Variants in REEP4 observed in about 807,000 individuals in gnomAD.
REEP4 encodes receptor expression-enhancing protein 4.
REEP4 carries 17 observed loss-of-function variants against 33.5 expected under a neutral mutation model. That is an observed-to-expected ratio of 0.51 (90% CI 0.35 to 0.76). The LOEUF (loss-of-function observed/expected upper bound fraction) is 0.76. REEP4 is among the 30% of genes least tolerant of loss of function. REEP4 has a pLI of 0.01. For synonymous variants in REEP4, 157 were observed against 142.9 expected (o/e 1.10, Z -0.70); for missense variants, 340 against 357.9 (o/e 0.95, Z 0.40).
rs1827215478 is a variant in REEP4 at position 22,140,678 on chromosome 8, A to G, written c.52T>C (p.Cys18Arg). ...RLVVLVFGML[C>R]PAYASYKAVK... The stretch of plus-strand genomic sequence containing the variant: ...GCCTTATAGGAAGCATAAGCTGGAC[A>G]CAGCATCCCAAACACCAGCCTGGAA... The change falls in exon 2 of 8, where the codon TGT (cysteine) becomes CGT (arginine). Residue 18 changes from cysteine (C) to arginine (R), a missense_variant. Cys to Arg is a radical substitution (Grantham distance 180). Coordinates refer to ENST00000306306, the MANE Select transcript of REEP4 (RefSeq NM_025232.4). 6.2e-7 allele frequency: 1 copy of G among 1,613,832 alleles called. No homozygotes were observed. The highest frequency in any genetic ancestry group is 8.5e-7 in the Non-Finnish European group (1 of 1,179,804).
At chr8:22,139,920 A>G in intron 4 of REEP4, 43 bp downstream of exon 4, 1 of 1,553,614 alleles carries the variant, frequency 6.4e-7, no homozygotes, top group Non-Finnish European at 8.7e-7. Flanking sequence ...TCTTTCCCTC[A>G]TACCCACCCC....
intron 6 of REEP4, 51 bp from the exon 7 acceptor site, chr8:22,138,844 C>T (rs1174744169): frequency 6.4e-7 from 1 of 1,562,174 alleles, no homozygotes; most frequent in Non-Finnish European, 8.6e-7. Context: ...GCCAGCCCTT[C>T]CTCGAGCCTT....
Position 22,139,405 on chromosome 8 carries a change from G to A in REEP4, c.417+11C>T, listed in dbSNP as rs749521054. The A allele has an allele frequency of 3.1e-6, 5 of 1,594,590 alleles. No homozygotes were observed. The highest frequency in any genetic ancestry group is 4.3e-6 in the Non-Finnish European group (5 of 1,171,350). ...GATGGGGGCTGCTGGAGGGCTGGGG[G>A]CCCAGAGCACCTTGGTGGCAGCCTG... On this transcript the variant is annotated intron_variant, in intron 5 of 7. Transcript: ENST00000306306.
rs1170262067 is a variant in REEP4, at chr8:22,141,465, G to A, written c.18C>T (p.Ile6=). 3 of 1,600,398 alleles carry A rather than the reference G, an allele frequency of 1.9e-6. No individual in the cohort carries two copies. Among genetic ancestry groups the A allele is most frequent in the Non-Finnish European group, 2.6e-6 (3 of 1,174,230 alleles). Residue 6 remains isoleucine (I), a synonymous_variant, in exon 1 of 8, where the codon ATC becomes ATT. Transcript: ENST00000306306. The stretch of plus-strand genomic sequence containing the variant: ...GCCATACTCACACCACCAGGCGACA[G>A]ATCATCCAGGACACCATCTTGCCGG... MVSWM[I]CRLVVLVFGM... is the part of the protein sequence containing the mutation.
intron 4 of REEP4, 120 bp from the exon 5 acceptor site, chr8:22,139,649 A>C (rs1175431767): frequency 2.4e-6 from 2 of 818,396 alleles, no homozygotes; most frequent in African/African-American, 3.5e-5. Flanking sequence ...CCTGGTGCCC[A>C]GAGCCACAAA....
chr8:22,139,736 G>A (rs1448387324), intron 4 of REEP4: 10 of 687,526 alleles, frequency 1.5e-5, no homozygotes, highest in African/African-American at 3.6e-5. Context: ...TCCAGCTGCC[G>A]CCACCACTAC....
intron 4 of REEP4, 115 bp downstream of exon 4, chr8:22,139,848 A>G (rs1827197941): frequency 2.3e-6 from 3 of 1,309,038 alleles, no homozygotes; most frequent in African/African-American, 2.9e-5. Flanking sequence ...CTGCCCCTCA[A>G]TAGCAGCAGG....
At chr8:22,140,809 T>C (rs1827217642) in intron 1 of REEP4, 112 bp from the exon 2 acceptor site, 1 of 891,572 alleles carries the variant, frequency 1.1e-6, no homozygotes, top group Non-Finnish European at 1.8e-6. Flanking sequence ...CCTGTTTTTC[T>C]CGCTTGGCTT....
At chr8:22,140,355 C>T in intron 2 of REEP4, 107 bp from the exon 3 acceptor site, 25 of 1,127,014 alleles carry the variant, frequency 2.2e-5, no homozygotes, top group Non-Finnish European at 3.2e-5. Flanking sequence ...TGCATAGCTG[C>T]TTTCCCCCAC....
At position 22,141,804 on chromosome 8, in the gene REEP4, G is replaced by A. The variant is rs1827236822; in HGVS notation, c.-322C>T. The A allele has an allele frequency of 3.0e-6, 1 of 335,474 alleles. No homozygotes were observed. Among genetic ancestry groups the A allele is most frequent in the Admixed American group, 5.0e-5 (1 of 19,928 alleles). The allele number at this position is 335,474 out of a possible 1,614,324, so 20.8% of individuals were successfully genotyped here. On this transcript the variant is annotated 5_prime_UTR_variant, in exon 1 of 8. Coordinates refer to ENST00000306306, the MANE Select transcript of REEP4 (RefSeq NM_025232.4). ...ACCTGGCGCTCGGCCCTTGCTGCTG[G>A]TCCCGCGCTGGAGCGGGTCGCCGCG...
intron 1 of REEP4, 56 bp from the exon 2 acceptor site, chr8:22,140,753 C>T: frequency 1.3e-6 from 2 of 1,486,184 alleles, no homozygotes; most frequent in South Asian, 2.4e-5. Flanking sequence ...CCCACCTTGC[C>T]AAGTGGCCAT....
intron 4 of REEP4, chr8:22,139,736 G>T: frequency 2.9e-6 from 2 of 687,646 alleles, no homozygotes; most frequent in Non-Finnish European, 4.8e-6. Context: ...TCCAGCTGCC[G>T]CCACCACTAC....
In REEP4 at chr8:22,138,219, G is replaced by A. The variant is rs1312864576; in HGVS notation, c.*268C>T. On this transcript the variant is annotated 3_prime_UTR_variant, in exon 8 of 8. Transcript: ENST00000306306. Reference sequence around the variant, plus strand: ...AGGGAGGGTTGCAGGGGTTCAGGGAGGGCTCTTGTCCCACAACCGGGGAAG... The same window carrying A: ...AGGGAGGGTTGCAGGGGTTCAGGGAAGGCTCTTGTCCCACAACCGGGGAAG... 2 of 634,458 alleles carry A rather than the reference G, an allele frequency of 3.2e-6. No homozygotes were observed. The highest frequency in any genetic ancestry group is 5.5e-5 in the East Asian group (2 of 36,634). 39.3% of individuals were successfully genotyped at this position (634,458 alleles called of 1,614,324 possible). A position where few individuals can be genotyped will look rare whatever the true frequency, so the allele number is the denominator to read the frequency against.
At position 22,141,672 on chromosome 8, in the gene REEP4, G is replaced by A. The variant is rs1188611738; in HGVS notation, c.-190C>T. 1.2e-5 allele frequency: 6 copies of A among 480,050 alleles called. No homozygotes were observed. In the Admixed American group the frequency reaches 1.7e-4, roughly 14 times the overall value. 29.7% of individuals were successfully genotyped at this position (480,050 alleles called of 1,614,324 possible). The stretch of plus-strand genomic sequence containing the variant: ...CAGTTCAGGGGACCTGGAGAATGGG[G>A]AGACCCGAGGCAAAGCGGCCCCGGC... On this transcript the variant is annotated 5_prime_UTR_variant, in exon 1 of 8. Transcript: ENST00000306306.
In REEP4 at chr8:22,138,710, G is replaced by C. The variant is rs765020107; in HGVS notation, c.637C>G (p.Arg213Gly). Residue 213 changes from arginine to glycine, a missense_variant, in exon 7 of 8, where the codon CGG (arginine) becomes GGG (glycine). By Grantham distance (125) the Arg-to-Gly change is moderately radical. Coordinates refer to ENST00000306306, the MANE Select transcript of REEP4 (RefSeq NM_025232.4). ...DTEAVPRAPA[R>G]PREKPLIRSQ... ...CGGATTAGGGGCTTCTCTCGGGGCC[G>C]GGCTGGCGCCCGGGGGACTGCCTCA... 12 of 1,612,814 alleles carry C rather than the reference G, an allele frequency of 7.4e-6. No individual in the cohort carries two copies. Among genetic ancestry groups the C allele is most frequent in the Admixed American group, 1.7e-5 (1 of 59,708 alleles).
chr8:22,138,200 G>A lies in REEP4; in HGVS notation c.*287C>T, dbSNP rs1296695576. On this transcript the variant is annotated 3_prime_UTR_variant, in exon 8 of 8. Transcript: ENST00000306306. ...GTTTCATTTGCAGGGGTTCAGGGAG[G>A]GTTGCAGGGGTTCAGGGAGGGCTCT... 1 of 619,114 alleles carries A rather than the reference G, an allele frequency of 1.6e-6. No individual in the cohort carries two copies. The highest frequency in any genetic ancestry group is 2.6e-5 in the Admixed American group (1 of 38,708). The allele number at this position is 619,114 out of a possible 1,614,324, so 38.4% of individuals were successfully genotyped here.
rs374603297 is a variant in REEP4, at chr8:22,140,194, C to T, written c.160G>A (p.Val54Ile). 1.2e-5 allele frequency: 19 copies of T among 1,614,124 alleles called. No homozygotes were observed. Among genetic ancestry groups the T allele is most frequent in the Admixed American group, 3.3e-5 (2 of 60,022 alleles). ...VFALFMAAEI[V>I]TDIFISWFPF... is the part of the protein sequence containing the mutation. ...TACCAGGAGATAAAAATGTCTGTAA[C>T]GATCTCTGCTGCCATGAAGAGTGCA... The change falls in exon 3 of 8, where the codon GTT (valine) becomes ATT (isoleucine). Residue 54 changes from valine (V) to isoleucine (I), a missense_variant. Physicochemically the swap from Val to Ile is conservative, Grantham distance 29 (BLOSUM62 3). Coordinates refer to ENST00000306306, the MANE Select transcript of REEP4 (RefSeq NM_025232.4).
At position 22,141,357 on chromosome 8, in the gene REEP4, G is replaced by T. The variant is rs368034219; in HGVS notation, c.32+94C>A. The T allele has an allele frequency of 1.0e-5, 15 of 1,449,400 alleles. No homozygotes were observed. In the African/African-American group the frequency reaches 1.9e-4, roughly 18 times the overall value. The allele number at this position is 1,449,400 out of a possible 1,614,324, so 89.8% of individuals were successfully genotyped here. A position where few individuals can be genotyped will look rare whatever the true frequency, so the allele number is the denominator to read the frequency against. ...ATGGAGTGCTGGAGGGTGGAGCTCA[G>T]AAAGTTCCTCCTCCCACTAGACGTC... On this transcript the variant is annotated intron_variant, in intron 1 of 7. Transcript: ENST00000306306.
At chr8:22,139,902 T>C in intron 4 of REEP4, 61 bp downstream of exon 4, 1 of 1,545,538 alleles carries the variant, frequency 6.5e-7, no homozygotes, top group East Asian at 2.4e-5. Context: ...AAATCCCAGG[T>C]CCAGGGCTCT....
Sources: allele counts gnomAD v4.1 joint callset, GRCh38; gene constraint gnomAD v4.1.1; transcripts MANE v1.5; gene names NCBI Gene and HGNC (gene_info 2026-07-23, HGNC 2026-07-21).